The following TMEM169 variants were observed in gnomAD, a reference collection of about 807,000 sequenced individuals.
TMEM169 encodes transmembrane protein 169.
A neutral mutation model predicts 27.3 loss-of-function variants in TMEM169; 18 were observed. The ratio of observed to expected loss-of-function variants is 0.66; its 90% confidence interval spans 0.46 to 0.98. The LOEUF (loss-of-function observed/expected upper bound fraction) is 0.98, where lower values mean the gene tolerates loss of function less well. TMEM169 is among the 50% of genes least tolerant of loss of function. The pLI, the probability that TMEM169 is intolerant of heterozygous loss-of-function variation, is 0.00. For synonymous variants in TMEM169, 136 were observed against 142.1 expected (o/e 0.96, Z 0.30); for missense variants, 320 against 368.6 (o/e 0.87, Z 1.08).
intron 1 of TMEM169, among the ~76,000 whole-genome samples, chr2:216,090,312 T>C (rs1226036452): frequency 2.0e-5 from 3 of 152,148 alleles, no homozygotes; most frequent in Non-Finnish European, 2.9e-5. Context: ...AAGAGTCAAG[T>C]TGGGGTGGTC....
chr2:216,082,203 G>C (rs1399211801), intron 1 of TMEM169: 2 of 167,520 alleles, frequency 1.2e-5, no homozygotes, highest in Non-Finnish European at 2.6e-5. Context: ...CGCCTGCCGG[G>C]GTCGGACGTC....
At position 216,081,980 on chromosome 2, in the gene TMEM169, G is replaced by T; in HGVS notation, c.-127+1G>T. On this transcript the variant is annotated splice_donor_variant, in intron 1 of 2. Coordinates refer to ENST00000437356, the MANE Select transcript of TMEM169 (RefSeq NM_001142311.2). LOFTEE classifies it low-confidence loss of function (5UTR_SPLICE). ...AGCGTCGGTCCCTGGGCAGGTGTGG[G>T]TGAGACTGCTCGTTCGTTTCTTTAA... 1 of 523,454 alleles carries T rather than the reference G, an allele frequency of 1.9e-6. No homozygotes were observed. Among genetic ancestry groups the T allele is most frequent in the Non-Finnish European group, 3.4e-6 (1 of 296,030 alleles). The allele number at this position is 523,454 out of a possible 1,614,324, so 32.4% of individuals were successfully genotyped here.
rs748514578 is a variant in TMEM169 at position 216,101,022 on chromosome 2, T to G, written c.*480T>G. The G allele has an allele frequency of 1.1e-5, 2 of 185,534 alleles. No individual in the cohort carries two copies. Among genetic ancestry groups the G allele is most frequent in the Admixed American group, 1.1e-4 (2 of 18,818 alleles). The allele number at this position is 185,534 out of a possible 1,614,324, so 11.5% of individuals were successfully genotyped here. On this transcript the variant is annotated 3_prime_UTR_variant, in exon 3 of 3. Transcript: ENST00000437356. ...TCATTTAGATTTAGATTTAGCTGCA[T>G]AGAATTAAAACCCTAAAATATCAGT...
At position 216,100,702 on chromosome 2, in the gene TMEM169, G is replaced by T; in HGVS notation, c.*160G>T. On this transcript the variant is annotated 3_prime_UTR_variant, in exon 3 of 3. Transcript: ENST00000437356. ...TTACCATCTTGAGGGTTCCAGGAGGGCATGGAGCAGACAAGCAATTGTGCC... is the reference window on the plus strand; with the variant it reads ...TTACCATCTTGAGGGTTCCAGGAGGTCATGGAGCAGACAAGCAATTGTGCC... 2.1e-6 allele frequency: 2 copies of T among 966,094 alleles called. No individual in the cohort carries two copies. Among genetic ancestry groups the T allele is most frequent in the East Asian group, 2.6e-5 (1 of 38,296 alleles). The allele number at this position is 966,094 out of a possible 1,614,324, so 59.8% of individuals were successfully genotyped here. A position where few individuals can be genotyped will look rare whatever the true frequency, so the allele number is the denominator to read the frequency against.
intron 2 of TMEM169, among the ~76,000 whole-genome samples, chr2:216,097,254 G>A (rs1574437535): frequency 6.6e-6 from 1 of 152,168 alleles, no homozygotes; most frequent in East Asian, 1.9e-4. Context: ...TTATTGTGGA[G>A]GCTGGGCACG....
intron 1 of TMEM169, among the ~76,000 whole-genome samples, chr2:216,092,931 A>G (rs181848319): frequency 6.6e-6 from 1 of 152,322 alleles, no homozygotes; most frequent in East Asian, 1.9e-4. Context: ...TAGAATTACC[A>G]TGATGCAGCT....
chr2:216,093,801 GAA>G lies in TMEM169; in HGVS notation c.-126-2029_-126-2028del, dbSNP rs34664739. On this transcript the variant is annotated intron_variant, in intron 1 of 2. Coordinates refer to ENST00000437356, the MANE Select transcript of TMEM169 (RefSeq NM_001142311.2). ...CTAAATTTTAGAAACATTGAAATGA[GAA>G]AAAAAAATATGTATTCTGGCATTTT... Among the ~76,000 whole-genome samples the G allele has an allele frequency of 7.9e-5, 12 of 151,464 alleles. No homozygotes were observed. The East Asian group carries it at 1.6e-3, about 20-fold the overall frequency.
rs71047975 is a variant in TMEM169, at chr2:216,095,109, C to CTTTTTT, written c.-126-720_-126-715dup. 7.8e-4 allele frequency among the ~76,000 whole-genome samples: 86 copies of CTTTTTT among 110,468 alleles called. 8 individuals carry two copies. The highest frequency in any genetic ancestry group is 3.3e-3 in the African/African-American group (81 of 24,522). The allele number at this position is 110,468 out of a possible 152,430, so 72.5% of individuals were successfully genotyped here. The stretch of plus-strand genomic sequence containing the variant: ...AGCCACCTATGGTTCTTTTTTCTTT[C>CTTTTTT]TTTTTTTTTTTTTTGACAGAGTCTC... On this transcript the variant is annotated intron_variant, in intron 1 of 2. Coordinates refer to ENST00000437356, the MANE Select transcript of TMEM169 (RefSeq NM_001142311.2).
At chr2:216,083,404 G>A (rs16855402) in intron 1 of TMEM169, among the ~76,000 whole-genome samples, 1 of 152,118 alleles carries the variant, frequency 6.6e-6, no homozygotes, top group Non-Finnish European at 1.5e-5. Flanking sequence ...GTTCTGAGGG[G>A]TATCTTATTC....
chr2:216,098,095 G>C (rs1439850441), intron 2 of TMEM169, among the ~76,000 whole-genome samples: 1 of 152,054 alleles, frequency 6.6e-6, no homozygotes, highest in Non-Finnish European at 1.5e-5. Context: ...GCTGGATCAT[G>C]GTGGCCCTTG....
At chr2:216,092,773 A>G (rs1052546940) in intron 1 of TMEM169, among the ~76,000 whole-genome samples, 3 of 152,208 alleles carry the variant, frequency 2.0e-5, no homozygotes, top group Non-Finnish European at 2.9e-5. Context: ...GGGCCAAAGA[A>G]GGCCCTTCAC....
rs1206969789 is a variant in TMEM169, at chr2:216,100,578, A to G, written c.*36A>G. The G allele has an allele frequency of 6.2e-7, 1 of 1,612,570 alleles. No individual in the cohort carries two copies. Among genetic ancestry groups the G allele is most frequent in the African/African-American group, 1.3e-5 (1 of 74,868 alleles). ...ACTTACTCCCTCCTCTGGCCCCAGT[A>G]GCCTATATATCATCTTAAAATTCCA... On this transcript the variant is annotated 3_prime_UTR_variant, in exon 3 of 3. Transcript: ENST00000437356.
Position 216,101,090 on chromosome 2 carries a change from AAG to A in TMEM169, c.*549_*550del. 5.9e-6 allele frequency: 1 copy of A among 168,826 alleles called. No individual in the cohort carries two copies. Among genetic ancestry groups the A allele is most frequent in the Non-Finnish European group, 1.3e-5 (1 of 77,048 alleles). 10.5% of individuals were successfully genotyped at this position (168,826 alleles called of 1,614,324 possible). A position where few individuals can be genotyped will look rare whatever the true frequency, so the allele number is the denominator to read the frequency against. ...AGTGTATTTCTTTCTTGTGCAGAAG[AAG>A]TCTGGAGGCAGACCATCCTGGGACC... is the stretch of plus-strand genomic sequence containing the variant. On this transcript the variant is annotated 3_prime_UTR_variant, in exon 3 of 3. Coordinates refer to ENST00000437356, the MANE Select transcript of TMEM169 (RefSeq NM_001142311.2).
Position 216,099,094 on chromosome 2 carries a change from G to A in TMEM169, c.272-826G>A, listed in dbSNP as rs1221941737. Among the ~76,000 whole-genome samples the A allele has an allele frequency of 6.6e-6, 1 of 151,262 alleles. No homozygotes were observed. The highest frequency in any genetic ancestry group is 1.5e-5 in the Non-Finnish European group (1 of 67,740). On this transcript the variant is annotated intron_variant, in intron 2 of 2. Transcript: ENST00000437356. The surrounding 1 kb of genome is among the most constrained non-coding windows in gnomAD (Gnocchi z 5.0). ...TATGTGTGTGTGTGGTGTGTTATGT[G>A]TGTATGTTGCATGTATGTGTGATAT...
chr2:216,082,148 G>C (rs1695875077), intron 1 of TMEM169, 169 bp downstream of exon 1: 1 of 169,814 alleles, frequency 5.9e-6, no homozygotes, highest in Non-Finnish European at 1.3e-5. Flanking sequence ...AATCTCCAGT[G>C]CAGCTGGAAA....
At chr2:216,087,746 C>G (rs546259383) in intron 1 of TMEM169, among the ~76,000 whole-genome samples, 7 of 152,132 alleles carry the variant, frequency 4.6e-5, no homozygotes, top group African/African-American at 1.7e-4. Context: ...TTGAACAATA[C>G]GATTATTGTA....
intron 1 of TMEM169, among the ~76,000 whole-genome samples, chr2:216,088,028 G>A (rs1286032918): frequency 1.3e-5 from 2 of 151,988 alleles, no homozygotes; most frequent in Non-Finnish European, 2.9e-5. Context: ...ACATGGTGGT[G>A]TATGCCTGTG....
intron 1 of TMEM169, among the ~76,000 whole-genome samples, chr2:216,088,515 A>G (rs1271641332): frequency 3.3e-5 from 5 of 152,194 alleles, no homozygotes; most frequent in African/African-American, 1.2e-4. Flanking sequence ...CAACTATGCA[A>G]TATATAGCAC....
chr2:216,093,130 G>GTGTT (rs1186008076), intron 1 of TMEM169, among the ~76,000 whole-genome samples: 1 of 68,976 alleles, frequency 1.4e-5, no homozygotes, highest in Non-Finnish European at 2.9e-5. Context: ...AATGAAGTGT[G>GTGTT]TGTGTGTGTG....
Sources: allele counts gnomAD v4.1 joint callset (sites outside exome capture counted in the v4.1 genomes callset), GRCh38; gene constraint gnomAD v4.1.1; non-coding constraint Gnocchi (gnomAD v3.1); transcripts MANE v1.5; gene names NCBI Gene and HGNC (gene_info 2026-07-23, HGNC 2026-07-21).